Variants in ZNF148 observed in about 807,000 individuals in gnomAD.
ZNF148 encodes Beta-Enolase Repressor Factor-1.
A neutral mutation model predicts 67.7 loss-of-function variants in ZNF148; 7 were observed. The ratio of observed to expected loss-of-function variants is 0.10; its 90% CI spans 0.06 to 0.19. The LOEUF (loss-of-function observed/expected upper bound fraction) is 0.19. ZNF148 is among the 10% of genes least tolerant of loss of function. The probability of loss-of-function intolerance (pLI) is 1.00; values close to 1 mark genes in which losing one functional copy is unlikely to be tolerated. For synonymous variants in ZNF148, 333 were observed against 330.7 expected (o/e 1.01, Z -0.08); for missense variants, 583 against 947.1 (o/e 0.62, Z 5.05).
At chr3:125,313,773 T>C (rs1016403481) in intron 3 of ZNF148, 117 bp from the exon 4 acceptor site, 2 of 807,668 alleles carry the variant, frequency 2.5e-6, no homozygotes, top group African/African-American at 3.4e-5. Flanking sequence ...TTGATGTACT[T>C]TGGAACTGCC....
At chr3:125,263,246 G>A (rs1476939137) in intron 7 of ZNF148, among the ~76,000 whole-genome samples, 1 of 152,158 alleles carries the variant, frequency 6.6e-6, no homozygotes, top group African/African-American at 2.4e-5. Context: ...GGGTAATATT[G>A]TAGTATAAGA....
chr3:125,282,477 G>C (rs1168133954), intron 5 of ZNF148, among the ~76,000 whole-genome samples: 1 of 152,054 alleles, frequency 6.6e-6, no homozygotes, highest in Non-Finnish European at 1.5e-5. Flanking sequence ...TGCTACTTCA[G>C]GAGAAATATG....
chr3:125,330,541 G>C (rs1941245842), intron 2 of ZNF148, among the ~76,000 whole-genome samples: 1 of 148,304 alleles, frequency 6.7e-6, no homozygotes, highest in South Asian at 2.1e-4. Context: ...GAATTTTTAT[G>C]ATCAGGCCGG....
At chr3:125,241,481 C>A (rs1433849517) in intron 7 of ZNF148, among the ~76,000 whole-genome samples, 1 of 152,082 alleles carries the variant, frequency 6.6e-6, no homozygotes, top group Non-Finnish European at 1.5e-5. Flanking sequence ...ATAATCTTTT[C>A]TACTTTTCCC....
chr3:125,347,524 A>T (rs985129089), intron 1 of ZNF148, among the ~76,000 whole-genome samples: 1 of 152,124 alleles, frequency 6.6e-6, no homozygotes, highest in African/African-American at 2.4e-5. Context: ...CCAGACTTAA[A>T]TAACTAAATT....
At chr3:125,258,454 G>C (rs922671734) in intron 7 of ZNF148, among the ~76,000 whole-genome samples, 1 of 144,140 alleles carries the variant, frequency 6.9e-6, no homozygotes, top group Non-Finnish European at 1.5e-5. Context: ...AAGGGGGATA[G>C]CATCTTCCTA....
At chr3:125,321,414 C>A (rs868539031) in intron 3 of ZNF148, among the ~76,000 whole-genome samples, 6 of 134,620 alleles carry the variant, frequency 4.5e-5, no homozygotes, top group African/African-American at 5.5e-5. Flanking sequence ...AAAAAAAACT[C>A]TATTTTTTCA....
rs1935877886 is a variant in ZNF148 at position 125,232,135 on chromosome 3, T to TCAGGGGGTTGAG, written c.*205_*206insCTCAACCCCCTG. 1 of 528,012 alleles carries TCAGGGGGTTGAG rather than the reference T, an allele frequency of 1.9e-6. No individual in the cohort carries two copies. Among genetic ancestry groups the TCAGGGGGTTGAG allele is most frequent in the Non-Finnish European group, 3.1e-6 (1 of 318,308 alleles). 32.7% of individuals were successfully genotyped at this position (528,012 alleles called of 1,614,324 possible). A position where few individuals can be genotyped will look rare whatever the true frequency, so the allele number is the denominator to read the frequency against. Reference sequence around the variant, plus strand: ...TAAAACAAGTAATGCATTGCTTCTATAAAGGTGACAACATGTAAGGCAGTT... The same window carrying TCAGGGGGTTGAG: ...TAAAACAAGTAATGCATTGCTTCTATCAGGGGGTTGAGAAAGGTGACAACATGTAAGGCAGTT... On this transcript the variant is annotated 3_prime_UTR_variant, in exon 9 of 9. Transcript: ENST00000360647. The surrounding 1 kb of genome is among the most constrained non-coding windows in gnomAD (Gnocchi z 4.2).
rs376625937 is a variant in ZNF148, at chr3:125,251,830, G to A, written c.668-17501C>T. On this transcript the variant is annotated intron_variant, in intron 7 of 8. Coordinates refer to ENST00000360647, the MANE Select transcript of ZNF148 (RefSeq NM_021964.3). ...AGGGTATATAGCTAGGAGTGGAAAT[G>A]GCAGATCATAGGGTTTGTGTATGTT... 6.6e-5 allele frequency among the ~76,000 whole-genome samples: 10 copies of A among 152,144 alleles called. No homozygotes were observed. The East Asian group carries it at 1.3e-3, about 20-fold the overall frequency.
intron 4 of ZNF148, among the ~76,000 whole-genome samples, chr3:125,306,066 G>C (rs1368091596): frequency 6.6e-6 from 1 of 151,884 alleles, no homozygotes; most frequent in Non-Finnish European, 1.5e-5. Context: ...CAGAAATTAA[G>C]CAAAACACTT....
chr3:125,260,731 G>A (rs952384394), intron 7 of ZNF148, among the ~76,000 whole-genome samples: 1 of 152,082 alleles, frequency 6.6e-6, no homozygotes, highest in African/African-American at 2.4e-5. Context: ...CACTAAAAAT[G>A]GTAAAGCTTA....
At chr3:125,323,286 T>A in intron 3 of ZNF148, 23 bp downstream of exon 3, 1 of 567,246 alleles carries the variant, frequency 1.8e-6, no homozygotes, top group South Asian at 2.3e-5. Flanking sequence ...TTCAAGATTA[T>A]GAAAAATAAG....
At chr3:125,287,963 C>T (rs749672667) in intron 5 of ZNF148, 140 bp downstream of exon 5, 17 of 1,152,590 alleles carry the variant, frequency 1.5e-5, no homozygotes, top group Non-Finnish European at 2.1e-5. Flanking sequence ...CCACCACCTC[C>T]ATGCAGGCAC....
At chr3:125,346,157 G>C (rs1004446168) in intron 1 of ZNF148, among the ~76,000 whole-genome samples, 2 of 152,152 alleles carry the variant, frequency 1.3e-5, no homozygotes, top group African/African-American at 4.8e-5. Context: ...AGAAATGCAA[G>C]GTTGGCTTAA....
chr3:125,266,081 C>G (rs1479218377), intron 7 of ZNF148, among the ~76,000 whole-genome samples: 1 of 152,066 alleles, frequency 6.6e-6, no homozygotes, highest in Non-Finnish European at 1.5e-5. Flanking sequence ...GCAAATACGT[C>G]TAAACCTAGG....
intron 4 of ZNF148, chr3:125,311,444 C>T (rs1940206581): frequency 6.6e-6 from 1 of 152,100 alleles, no homozygotes; most frequent in South Asian, 2.1e-4. Context: ...CTTCTGTAAT[C>T]TTAATAGCTT....
chr3:125,292,414 T>C (rs891452720), intron 4 of ZNF148: 5 of 152,168 alleles, frequency 3.3e-5, no homozygotes, highest in African/African-American at 4.8e-5. Flanking sequence ...ATCTTATAGT[T>C]TACATAATTA....
chr3:125,351,099 TG>T (rs1293201534), intron 1 of ZNF148, among the ~76,000 whole-genome samples: 4 of 152,100 alleles, frequency 2.6e-5, no homozygotes, highest in African/African-American at 7.2e-5. Flanking sequence ...CCCGGCACTC[TG>T]AGTGACCAAG....
intron 7 of ZNF148, among the ~76,000 whole-genome samples, chr3:125,259,698 A>G (rs1481434663): frequency 6.6e-6 from 1 of 152,218 alleles, no homozygotes; most frequent in Non-Finnish European, 1.5e-5. Context: ...GCGGTGGCTC[A>G]TACCTGCAAT....
Sources: allele counts gnomAD v4.1 joint callset (sites outside exome capture counted in the v4.1 genomes callset), GRCh38; gene constraint gnomAD v4.1.1; non-coding constraint Gnocchi (gnomAD v3.1); transcripts MANE v1.5; gene names NCBI Gene and HGNC (gene_info 2026-07-23, HGNC 2026-07-21).